The following ENPEP variants were observed in gnomAD, a reference collection of about 807,000 sequenced individuals.
ENPEP encodes glutamyl aminopeptidase.
Under a neutral mutation model 114.5 loss-of-function variants are expected in ENPEP, and 103 were observed. That is an observed-to-expected ratio of 0.90 (90% CI 0.77 to 1.06). The LOEUF (loss-of-function observed/expected upper bound fraction) is 1.06, where lower values mean the gene tolerates loss of function less well. Among genes scored for constraint, ENPEP ranks in the 50% least tolerant of loss-of-function variants. ENPEP has a pLI of 0.00. For missense variants in ENPEP, 1,196 were observed against 1,161.3 expected (o/e 1.03, Z -0.43); for synonymous variants, 420 against 422.0 (o/e 1.00, Z 0.06).
At chr4:110,521,192 G>T (rs781204839) in intron 10 of ENPEP, among the ~76,000 whole-genome samples, 2 of 152,034 alleles carry the variant, frequency 1.3e-5, no homozygotes, top group Admixed American at 6.6e-5. Context: ...CATAACAAGA[G>T]CCTGTCTCTA....
chr4:110,508,269 CAA>C (rs11451516), intron 4 of ENPEP, among the ~76,000 whole-genome samples: 9,342 of 109,204 alleles, frequency 0.086, 841 homozygotes, highest in African/African-American at 0.26. Flanking sequence ...CAGTACTGAC[CAA>C]AAAAAAAAAA....
In ENPEP at chr4:110,548,275, C is replaced by G; in HGVS notation, c.2100C>G (p.Thr700=). The G allele has an allele frequency of 6.2e-7, 1 of 1,602,664 alleles. No homozygotes were observed. The highest frequency in any genetic ancestry group is 8.5e-7 in the Non-Finnish European group (1 of 1,174,960). The change falls in exon 14 of 20, where the codon ACC becomes ACG. Residue 700 remains threonine (T), a synonymous_variant. Transcript: ENST00000265162. ...GGCAGAGAGTAATTTCAGCTGTAACCTACATCATTAGCATGTTTGAAGATG... is the reference window on the plus strand; with the variant it reads ...GGCAGAGAGTAATTTCAGCTGTAACGTACATCATTAGCATGTTTGAAGATG... ...LPWQRVISAV[T]YIISMFEDDK...
chr4:110,497,500 C>T (rs1322762162), intron 3 of ENPEP, among the ~76,000 whole-genome samples: 1 of 151,018 alleles, frequency 6.6e-6, no homozygotes, highest in African/African-American at 2.5e-5. Flanking sequence ...TTTTAATGTT[C>T]ATTTTTTAAT....
chr4:110,506,694 A>G lies in ENPEP; in HGVS notation c.976A>G (p.Thr326Ala). ...CACAGCCGAATATGCTGCAAACATAACTAAAAGTGTGTTTGATTATTTTGA... is the reference window on the plus strand; with the variant it reads ...CACAGCCGAATATGCTGCAAACATAGCTAAAAGTGTGTTTGATTATTTTGA... ...KHTAEYAANI[T>A]KSVFDYFEEY... Residue 326 changes from threonine (T) to alanine (A), a missense_variant, in exon 4 of 20, where the codon ACT becomes GCT. By Grantham distance (58) the Thr-to-Ala change is moderately conservative (BLOSUM62 0). Coordinates refer to ENST00000265162, the MANE Select transcript of ENPEP (RefSeq NM_001977.4). The G allele has an allele frequency of 6.2e-7, 1 of 1,611,772 alleles. No homozygotes were observed. Among genetic ancestry groups the G allele is most frequent in the Non-Finnish European group, 8.5e-7 (1 of 1,178,334 alleles).
intron 11 of ENPEP, chr4:110,533,176 T>C (rs1380092507): frequency 5.3e-6 from 2 of 380,888 alleles, no homozygotes; most frequent in Admixed American, 3.0e-5. Context: ...CCTAGTACAA[T>C]TCACCCAGCA....
At chr4:110,493,392 A>G (rs1724799248) in intron 3 of ENPEP, among the ~76,000 whole-genome samples, 1 of 152,220 alleles carries the variant, frequency 6.6e-6, no homozygotes, top group African/African-American at 2.4e-5. Flanking sequence ...AAACAAACAT[A>G]ATATTGTTTT....
At chr4:110,486,984 G>T (rs1258978547) in intron 1 of ENPEP, among the ~76,000 whole-genome samples, 1 of 152,094 alleles carries the variant, frequency 6.6e-6, no homozygotes, top group African/African-American at 2.4e-5. Context: ...AGTCATAGAG[G>T]GTCGAAGTGA....
chr4:110,492,010 C>T (rs1277237516), intron 3 of ENPEP, among the ~76,000 whole-genome samples: 1 of 152,086 alleles, frequency 6.6e-6, no homozygotes, highest in African/African-American at 2.4e-5. Flanking sequence ...CATGAGCCAC[C>T]GAGCCTGGCC....
At chr4:110,499,750 A>C (rs1296226464) in intron 3 of ENPEP, among the ~76,000 whole-genome samples, 5 of 152,242 alleles carry the variant, frequency 3.3e-5, no homozygotes, top group African/African-American at 7.2e-5. Flanking sequence ...TAGTTTGCTT[A>C]AACATATAAA....
intron 1 of ENPEP, among the ~76,000 whole-genome samples, chr4:110,487,482 A>T (rs2110335563): frequency 6.6e-6 from 1 of 152,298 alleles, no homozygotes; most frequent in South Asian, 2.1e-4. Context: ...CAGCAGCTAG[A>T]AAAATGTCTG....
chr4:110,487,782 G>A (rs753789751), intron 1 of ENPEP, among the ~76,000 whole-genome samples: 6 of 152,088 alleles, frequency 3.9e-5, no homozygotes, highest in Non-Finnish European at 7.4e-5. Context: ...TGTAAAAAGT[G>A]TATGCTATTG....
In ENPEP at chr4:110,553,471, G is replaced by C; in HGVS notation, c.2642+16G>C. On this transcript the variant is annotated intron_variant, in intron 18 of 19. Coordinates refer to ENST00000265162, the MANE Select transcript of ENPEP (RefSeq NM_001977.4). ...TAGTCAACAGGTGGGATGATCTGAT[G>C]ATGGTCTGCTGTTTTCTTTGTTTCA... The C allele has an allele frequency of 1.2e-6, 2 of 1,602,178 alleles. No individual in the cohort carries two copies. Among genetic ancestry groups the C allele is most frequent in the East Asian group, 4.5e-5 (2 of 44,726 alleles).
At chr4:110,495,222 A>C (rs1460155975) in intron 3 of ENPEP, among the ~76,000 whole-genome samples, 3 of 152,202 alleles carry the variant, frequency 2.0e-5, no homozygotes, top group African/African-American at 7.2e-5. Flanking sequence ...GAGTTTTTAA[A>C]ATTATAGGTT....
At chr4:110,521,939 CG>C (rs1319675993) in intron 10 of ENPEP, among the ~76,000 whole-genome samples, 1 of 150,974 alleles carries the variant, frequency 6.6e-6, no homozygotes, top group Non-Finnish European at 1.5e-5. Context: ...AGTGCAGTGG[CG>C]CAATGTCAGC....
chr4:110,547,416 G>A (rs558671649), intron 13 of ENPEP, among the ~76,000 whole-genome samples: 2 of 152,204 alleles, frequency 1.3e-5, no homozygotes, highest in African/African-American at 4.8e-5. Flanking sequence ...TAGCAGTCTT[G>A]AGTTGAGTTC....
chr4:110,539,396 C>T (rs961995444), intron 11 of ENPEP, among the ~76,000 whole-genome samples: 2 of 152,094 alleles, frequency 1.3e-5, no homozygotes, highest in Non-Finnish European at 2.9e-5. Context: ...ATAACCAATC[C>T]ATTTTATTAT....
intron 1 of ENPEP, among the ~76,000 whole-genome samples, chr4:110,479,215 T>G (rs1560548968): frequency 2.0e-5 from 3 of 152,182 alleles, no homozygotes; most frequent in Non-Finnish European, 4.4e-5. Context: ...CATCAATGCT[T>G]TAAGATGTCA....
Position 110,561,729 on chromosome 4 carries a change from GAAGA to G in ENPEP, c.*176_*179del. ...CTTTAAATTGTTCCTCTTTGTTTAT[GAAGA>G]AAGATACTAATAGAGTACTTAATAT... On this transcript the variant is annotated 3_prime_UTR_variant, in exon 20 of 20. Coordinates refer to ENST00000265162, the MANE Select transcript of ENPEP (RefSeq NM_001977.4). 2 of 609,740 alleles carry G rather than the reference GAAGA, an allele frequency of 3.3e-6. No homozygotes were observed. The highest frequency in any genetic ancestry group is 4.5e-4 in the Middle Eastern group (1 of 2,212). 37.8% of individuals were successfully genotyped at this position (609,740 alleles called of 1,614,324 possible).
chr4:110,484,737 A>ATATAT (rs945521349), intron 1 of ENPEP, among the ~76,000 whole-genome samples: 2 of 142,028 alleles, frequency 1.4e-5, no homozygotes, highest in Non-Finnish European at 3.0e-5. Flanking sequence ...TATATATTAT[A>ATATAT]TATATTATAT....
Sources: allele counts gnomAD v4.1 joint callset (sites outside exome capture counted in the v4.1 genomes callset), GRCh38; gene constraint gnomAD v4.1.1; transcripts MANE v1.5; gene names NCBI Gene and HGNC (gene_info 2026-07-23, HGNC 2026-07-21).